Variants in MTUS2 observed in about 807,000 individuals in gnomAD.
MTUS2 encodes microtubule-associated tumor suppressor candidate 2.
MTUS2 carries 40 observed loss-of-function variants against 114.1 expected under a neutral mutation model. The ratio of observed to expected loss-of-function variants is 0.35; its 90% CI spans 0.27 to 0.46. The LOEUF (loss-of-function observed/expected upper bound fraction) is 0.46. Ranked by LOEUF, MTUS2 falls within the 20% of genes least tolerant of loss-of-function variation. MTUS2 has a pLI of 1.00. For missense variants in MTUS2, 1,679 were observed against 1,705.4 expected (o/e 0.98, Z 0.27); for synonymous variants, 688 against 672.0 (o/e 1.02, Z -0.37).
rs377678659 is a variant in MTUS2 at position 29,281,820 on chromosome 13, C to T, written c.2761C>T (p.Arg921Cys). ...PPASSSVTAP[R>C]RSLLPAPKST... ...AGCATCCTCCAGTGTGACAGCACCC[C>T]GCAGGAGTTTACTTCCAGCGCCAAA... The change falls in exon 6 of 16, where the codon CGC (arginine) becomes TGC (cysteine). Residue 921 changes from arginine (R) to cysteine (C), a missense_variant. Arg to Cys is a radical substitution (Grantham distance 180). Transcript: ENST00000612955. 14 of 1,609,182 alleles carry T rather than the reference C, an allele frequency of 8.7e-6. No individual in the cohort carries two copies. Among genetic ancestry groups the T allele is most frequent in the African/African-American group, 4.0e-5 (3 of 74,778 alleles).
At chr13:29,486,012 T>C (rs1486990153) in intron 10 of MTUS2, among the ~76,000 whole-genome samples, 1 of 152,166 alleles carries the variant, frequency 6.6e-6, no homozygotes, top group Non-Finnish European at 1.5e-5. Flanking sequence ...AGAAAAGATA[T>C]TTCCTTTTTT....
intron 5 of MTUS2, among the ~76,000 whole-genome samples, chr13:29,137,118 T>A (rs1448222124): frequency 6.6e-6 from 1 of 152,232 alleles, no homozygotes; most frequent in Non-Finnish European, 1.5e-5. Flanking sequence ...TTCTGCTGCA[T>A]CCTTATAAGA....
chr13:29,287,217 A>G (rs1482424186), intron 6 of MTUS2, among the ~76,000 whole-genome samples: 2 of 152,240 alleles, frequency 1.3e-5, no homozygotes, highest in East Asian at 1.9e-4. Context: ...GCTAAGGACT[A>G]TCAGAATTCC....
chr13:29,355,986 A>G (rs1253737625), intron 7 of MTUS2, among the ~76,000 whole-genome samples: 1 of 152,112 alleles, frequency 6.6e-6, no homozygotes, highest in Non-Finnish European at 1.5e-5. Flanking sequence ...ATTGTAGGGG[A>G]CCAGAGTGTT....
At chr13:29,020,507 G>C (rs1349815385) in intron 2 of MTUS2, among the ~76,000 whole-genome samples, 1 of 152,188 alleles carries the variant, frequency 6.6e-6, no homozygotes, top group Admixed American at 6.5e-5. Context: ...GCTGGAGTGA[G>C]GGAGACGCGT....
intron 2 of MTUS2, among the ~76,000 whole-genome samples, chr13:28,847,389 C>T (rs1243386229): frequency 6.6e-6 from 1 of 152,048 alleles, no homozygotes; most frequent in Non-Finnish European, 1.5e-5. Flanking sequence ...TTGGATTTCT[C>T]AGTGCAAAGG....
intron 9 of MTUS2, among the ~76,000 whole-genome samples, chr13:29,443,235 A>G (rs1219581353): frequency 6.6e-6 from 1 of 152,204 alleles, no homozygotes; most frequent in African/African-American, 2.4e-5. Flanking sequence ...GAAACCAAAG[A>G]TAAAAGATGG....
At chr13:29,147,242 A>G (rs1414862631) in intron 5 of MTUS2, among the ~76,000 whole-genome samples, 1 of 151,872 alleles carries the variant, frequency 6.6e-6, no homozygotes, top group Non-Finnish European at 1.5e-5. Flanking sequence ...CCACACATCA[A>G]CTCCTTTCCT....
At position 28,988,201 on chromosome 13, in the gene MTUS2, G is replaced by C. The variant is rs558181095; in HGVS notation, c.-242-36256G>C. ...TCTGGGACTGGAGGGACAAAAGTGA[G>C]GATGTATATGGATTATGCTAAATTA... On this transcript the variant is annotated intron_variant, in intron 2 of 15. Transcript: ENST00000612955. Among the ~76,000 whole-genome samples the C allele has an allele frequency of 2.0e-5, 3 of 152,320 alleles. No individual in the cohort carries two copies. The South Asian group carries it at 6.2e-4, about 32-fold the overall frequency.
At chr13:29,018,814 T>C (rs1886175075) in intron 2 of MTUS2, among the ~76,000 whole-genome samples, 1 of 126,676 alleles carries the variant, frequency 7.9e-6, no homozygotes. Context: ...AAAAGAAATG[T>C]ATGTGTATTC....
intron 7 of MTUS2, among the ~76,000 whole-genome samples, chr13:29,340,387 C>T (rs567412922): frequency 6.6e-6 from 1 of 152,308 alleles, no homozygotes; most frequent in African/African-American, 2.4e-5. Context: ...TGAAAATGAA[C>T]ACAATACACT....
At chr13:29,405,385 C>G (rs1227898062) in intron 8 of MTUS2, among the ~76,000 whole-genome samples, 2 of 152,140 alleles carry the variant, frequency 1.3e-5, no homozygotes, top group Non-Finnish European at 2.9e-5. Flanking sequence ...AATATGATGG[C>G]TTTTAGAAAG....
chr13:28,984,614 T>A (rs577287078), intron 2 of MTUS2, among the ~76,000 whole-genome samples: 1 of 152,360 alleles, frequency 6.6e-6, no homozygotes, highest in African/African-American at 2.4e-5. Flanking sequence ...CTGATGGAGC[T>A]GTATTTGGGC....
intron 9 of MTUS2, among the ~76,000 whole-genome samples, chr13:29,474,795 C>T (rs1276557770): frequency 6.6e-6 from 1 of 152,096 alleles, no homozygotes; most frequent in East Asian, 1.9e-4. Flanking sequence ...TTTTTGTGCA[C>T]TTGTGAAATT....
Position 28,904,350 on chromosome 13 carries a change from T to A in MTUS2, c.-243+64500T>A, listed in dbSNP as rs545609158. On this transcript the variant is annotated intron_variant, in intron 2 of 15. Transcript: ENST00000612955. ...GCCCATGCCTATGTCCTGAATGGTA[T>A]TGCCTAGGTTTTCTTCTGGGGTTTT... 2.9e-3 allele frequency among the ~76,000 whole-genome samples: 441 copies of A among 152,296 alleles called. 2 individuals carry two copies. The highest frequency in any genetic ancestry group is 9.1e-3 in the South Asian group (44 of 4,822).
chr13:29,329,980 G>A (rs1900700275), intron 7 of MTUS2, among the ~76,000 whole-genome samples: 1 of 152,232 alleles, frequency 6.6e-6, no homozygotes, highest in Non-Finnish European at 1.5e-5. Flanking sequence ...GAATTGTTGG[G>A]TCAAATGGTA....
chr13:28,913,455 G>A (rs758421579), intron 2 of MTUS2, among the ~76,000 whole-genome samples: 14 of 152,146 alleles, frequency 9.2e-5, no homozygotes, highest in Non-Finnish European at 1.8e-4. Flanking sequence ...GCGTCACGGG[G>A]ATGAAGCTAA....
At chr13:28,941,034 C>T (rs1224652948) in intron 2 of MTUS2, among the ~76,000 whole-genome samples, 1 of 150,242 alleles carries the variant, frequency 6.7e-6, no homozygotes, top group Non-Finnish European at 1.5e-5. Context: ...GATAGCTATA[C>T]TAAATATGTA....
intron 4 of MTUS2, among the ~76,000 whole-genome samples, chr13:29,084,534 C>G (rs925268419): frequency 3.2e-4 from 48 of 149,104 alleles, no homozygotes; most frequent in East Asian, 4.1e-4. Flanking sequence ...CCTCTCCCCC[C>G]CTTCTTTTCT....
Sources: allele counts gnomAD v4.1 joint callset (sites outside exome capture counted in the v4.1 genomes callset), GRCh38; gene constraint gnomAD v4.1.1; transcripts MANE v1.5; gene names NCBI Gene and HGNC (gene_info 2026-07-23, HGNC 2026-07-21).